Variants in SLC7A9 observed in about 807,000 individuals in gnomAD.
The protein encoded by SLC7A9 is solute carrier family 7 member 9.
Under a neutral mutation model 54.1 loss-of-function variants are expected in SLC7A9, and 38 were observed. That is an observed-to-expected ratio of 0.70 (90% confidence interval 0.54 to 0.92). SLC7A9 has a LOEUF of 0.92. Ranked by LOEUF, SLC7A9 falls within the 40% of genes least tolerant of loss-of-function variation. The pLI is 0.00. For missense variants in SLC7A9, 537 were observed against 636.1 expected (o/e 0.84, Z 1.68); for synonymous variants, 264 against 258.9 (o/e 1.02, Z -0.19).
At position 32,868,504 on chromosome 19, in the gene SLC7A9, CTCT is replaced by C. The variant is rs759119167; in HGVS notation, c.28_30del (p.Arg10del). On this transcript the variant is annotated inframe_deletion, in exon 2 of 13. Transcript: ENST00000023064. ...TGGCTCTGGATCGACTTCTCATCCT[CTCT>C]CCGCTTTCTCAGGCCAGTATCCCCC... 2 of 1,614,154 alleles carry C rather than the reference CTCT, an allele frequency of 1.2e-6. No homozygotes were observed. The highest frequency in any genetic ancestry group is 1.6e-4 in the Middle Eastern group (1 of 6,062).
intron 9 of SLC7A9, among the ~76,000 whole-genome samples, chr19:32,850,989 G>A (rs1968450273): frequency 6.6e-6 from 1 of 152,148 alleles, no homozygotes; most frequent in South Asian, 2.1e-4. Context: ...AGCTGAAACT[G>A]GATCCCTTCC....
At chr19:32,861,582 A>G (rs916871401) in intron 6 of SLC7A9, among the ~76,000 whole-genome samples, 3 of 152,090 alleles carry the variant, frequency 2.0e-5, no homozygotes, top group Non-Finnish European at 4.4e-5. Flanking sequence ...GAGGCCGAGG[A>G]GAGAGAATTG....
chr19:32,862,361 T>C, intron 5 of SLC7A9, 100 bp downstream of exon 5: 1 of 1,555,980 alleles, frequency 6.4e-7, no homozygotes. Flanking sequence ...GTTCCTGCCA[T>C]GCTTCCTTGG....
At chr19:32,866,290 T>C (rs1338932774) in intron 2 of SLC7A9, among the ~76,000 whole-genome samples, 1 of 152,114 alleles carries the variant, frequency 6.6e-6, no homozygotes, top group African/African-American at 2.4e-5. Context: ...TCAGCTCTCC[T>C]CCTCATCTCA....
chr19:32,869,665 T>G (rs894526750), intron 1 of SLC7A9, 21 bp downstream of exon 1: 1 of 152,300 alleles, frequency 6.6e-6, no homozygotes, highest in African/African-American at 2.4e-5. Context: ...AGCCTTTCTA[T>G]CACCTACTGA....
chr19:32,844,188 C>G (rs1275199801), intron 9 of SLC7A9, among the ~76,000 whole-genome samples: 5 of 152,162 alleles, frequency 3.3e-5, no homozygotes, highest in African/African-American at 1.2e-4. Flanking sequence ...CGCCTGTAAT[C>G]CCAACACCTT....
At chr19:32,835,911 ATGTGTGTGTGTGTGTG>A (rs60204379) in intron 11 of SLC7A9, among the ~76,000 whole-genome samples, 1 of 142,734 alleles carries the variant, frequency 7.0e-6, no homozygotes. Flanking sequence ...GTGTGTGTGT[ATGTGTGTGTGTGTGTG>A]TGTGTGTGTC....
chr19:32,846,257 CCCTTTCCTAGTCAAA>C (rs1196460171), intron 9 of SLC7A9, among the ~76,000 whole-genome samples: 5 of 151,100 alleles, frequency 3.3e-5, no homozygotes, highest in African/African-American at 1.2e-4. Context: ...TCAGGGAGTT[CCCTTTCCTAGTCAAA>C]GAAAGGGGTG....
At chr19:32,837,355 T>C (rs562473983) in intron 11 of SLC7A9, among the ~76,000 whole-genome samples, 1 of 151,616 alleles carries the variant, frequency 6.6e-6, no homozygotes, top group East Asian at 1.9e-4. Flanking sequence ...ATTAGCCAGG[T>C]GTGGTGGCGT....
At chr19:32,862,322 G>T (rs149617371) in intron 5 of SLC7A9, 105 bp from the exon 6 acceptor site, 19 of 1,442,968 alleles carry the variant, frequency 1.3e-5, no homozygotes, top group East Asian at 2.3e-5. Flanking sequence ...TAATAAACAC[G>T]CCCTGAAACT....
At chr19:32,859,666 C>CA (rs1968735257) in intron 8 of SLC7A9, among the ~76,000 whole-genome samples, 175 bp downstream of exon 8, 2 of 152,206 alleles carry the variant, frequency 1.3e-5, no homozygotes, top group African/African-American at 4.8e-5. Context: ...GCCGAACCCT[C>CA]ACCCTGGCTA....
intron 7 of SLC7A9, chr19:32,860,308 G>C: frequency 1.4e-6 from 2 of 1,391,032 alleles, no homozygotes; most frequent in Non-Finnish European, 1.9e-6. Context: ...TGTAATCCCA[G>C]CACTTTGGGA....
At chr19:32,869,338 C>A (rs1219997950) in intron 1 of SLC7A9, among the ~76,000 whole-genome samples, 1 of 152,102 alleles carries the variant, frequency 6.6e-6, no homozygotes, top group African/African-American at 2.4e-5. Flanking sequence ...TAAAGGCACT[C>A]CCATACATCA....
chr19:32,858,446 G>A lies in SLC7A9; in HGVS notation c.971C>T (p.Ala324Val), dbSNP rs562014636. The A allele has an allele frequency of 9.9e-6, 16 of 1,611,538 alleles. 1 individual carries two copies. The highest frequency in any genetic ancestry group is 5.3e-5 in the African/African-American group (4 of 74,970). ...GACGGTGGGGGTCCCCTACCTGCCC[G>A]CTGTGAAGCAGGTCCCGTTAGCAGC... Reference protein sequence around the residue: ...IGAANGTCFTAGRLIYVAGRE... With the variant: ...IGAANGTCFTVGRLIYVAGRE... Residue 324 changes from alanine (A) to valine (V), a missense_variant, in exon 9 of 13, where the codon GCG becomes GTG. By Grantham distance (64) the Ala-to-Val change is moderately conservative. Coordinates refer to ENST00000023064, the MANE Select transcript of SLC7A9 (RefSeq NM_014270.5).
rs1197588500 is a variant in SLC7A9 at position 32,830,598 on chromosome 19, T to G, written c.*22A>C. On this transcript the variant is annotated 3_prime_UTR_variant, in exon 13 of 13. Transcript: ENST00000023064. ...CTTAAGAAAATAAATTCAGCTGACT[T>G]GGCTACAAGAGACGGAGCTTGTTAC... 1.9e-6 allele frequency: 3 copies of G among 1,590,518 alleles called. No individual in the cohort carries two copies. Among genetic ancestry groups the G allele is most frequent in the Non-Finnish European group, 2.6e-6 (3 of 1,158,498 alleles).
chr19:32,862,147 A>C lies in SLC7A9; in HGVS notation c.675T>G (p.Phe225Leu). Reference sequence around the variant, plus strand: ...CATCATAGGCCCAGAGTCCATTGTAAAACGCCAGGCTGATGGCTCCCACAG... The same window carrying C: ...CATCATAGGCCCAGAGTCCATTGTACAACGCCAGGCTGATGGCTCCCACAG... ...QLSVGAISLA[F>L]YNGLWAYDGW... The change falls in exon 6 of 13, where the codon TTT becomes TTG. Residue 225 changes from phenylalanine to leucine, a missense_variant. Physicochemically the swap from Phe to Leu is conservative, Grantham distance 22. Coordinates refer to ENST00000023064, the MANE Select transcript of SLC7A9 (RefSeq NM_014270.5). 1 of 1,613,538 alleles carries C rather than the reference A, an allele frequency of 6.2e-7. No individual in the cohort carries two copies. Among genetic ancestry groups the C allele is most frequent in the Non-Finnish European group, 8.5e-7 (1 of 1,179,610 alleles).
chr19:32,857,193 C>T (rs1377230269), intron 9 of SLC7A9, among the ~76,000 whole-genome samples: 1 of 151,802 alleles, frequency 6.6e-6, no homozygotes, highest in Non-Finnish European at 1.5e-5. Context: ...GCCTGTAATT[C>T]CAGGGCTTTG....
intron 2 of SLC7A9, 33 bp downstream of exon 2, chr19:32,868,415 G>A (rs1599693850): frequency 3.2e-6 from 5 of 1,582,230 alleles, no homozygotes; most frequent in Non-Finnish European, 4.3e-6. Context: ...TGCCTAACCT[G>A]CAAAGGGCCT....
At chr19:32,833,472 T>G (rs1967867604) in intron 11 of SLC7A9, 149 bp from the exon 12 acceptor site, 1 of 855,228 alleles carries the variant, frequency 1.2e-6, no homozygotes, top group Non-Finnish European at 1.9e-6. Flanking sequence ...TCTTATTTCA[T>G]CTATACCTTT....
Sources: gnomAD v4.1 joint callset for allele counts (sites outside exome capture counted in the v4.1 genomes callset) on GRCh38, gnomAD v4.1.1 for gene constraint, MANE v1.5 for transcripts, NCBI Gene and HGNC (gene_info 2026-07-23, HGNC 2026-07-21) for gene names.